Variants in ANKRD36 observed in about 807,000 individuals in gnomAD.
The protein encoded by ANKRD36 is ankyrin repeat domain 36, also known as ankyrin repeat domain-containing protein 36A.
ANKRD36 carries 179 observed loss-of-function variants against 278.1 expected under a neutral mutation model. The ratio of observed to expected loss-of-function variants is 0.64; its 90% CI spans 0.57 to 0.73. The LOEUF (loss-of-function observed/expected upper bound fraction) is 0.73. Among genes scored for constraint, ANKRD36 ranks in the 30% least tolerant of loss-of-function variants. The pLI is 0.00. For missense variants in ANKRD36, 1,159 were observed against 1,956.7 expected, an observed-to-expected ratio of 0.59 and a Z score of 7.69; for synonymous variants, 320 against 641.1, an observed-to-expected ratio of 0.50 and a Z score of 7.57.
At chr2:97,260,367 T>TACACAC (rs2076581596) in intron 75 of ANKRD36, among the ~76,000 whole-genome samples, 1 of 127,178 alleles carries the variant, frequency 7.9e-6, no homozygotes, top group Non-Finnish European at 1.6e-5. Context: ...TATATATATA[T>TACACAC]ATATATATAT....
intron 11 of ANKRD36, among the ~76,000 whole-genome samples, chr2:97,147,731 A>G (rs374409587): frequency 1.3e-5 from 2 of 151,876 alleles, no homozygotes; most frequent in African/African-American, 4.8e-5. Context: ...AATGAAAGTG[A>G]ATAAGAATGG....
In ANKRD36 at chr2:97,202,214, A is replaced by T. The variant is rs1432786986; in HGVS notation, c.2870A>T (p.Lys957Ile). The T allele has an allele frequency of 6.2e-7, 1 of 1,609,546 alleles. No individual in the cohort carries two copies. Among genetic ancestry groups the T allele is most frequent in the East Asian group, 2.2e-5 (1 of 44,698 alleles). Residue 957 changes from lysine to isoleucine, a missense_variant, in exon 47 of 76, where the codon AAA becomes ATA. Physicochemically the swap from Lys to Ile is moderately radical, Grantham distance 102 (BLOSUM62 -3). Coordinates refer to ENST00000420699, the MANE Select transcript of ANKRD36 (RefSeq NM_001354587.1). ...GEISRKVSSQ[K>I]PPALKGTSDE... ...TTTTGCTTTTCAGTGTCTTCTCAGA[A>T]ACCACCAGCCTTGAAGGTAATGAAA... is the stretch of plus-strand genomic sequence containing the variant.
chr2:97,148,015 G>A (rs1317268169), intron 11 of ANKRD36, among the ~76,000 whole-genome samples: 1 of 151,944 alleles, frequency 6.6e-6, no homozygotes, highest in Non-Finnish European at 1.5e-5. Flanking sequence ...TTGAGCCACT[G>A]GAAAGAGTCT....
chr2:97,179,831 A>G, intron 23 of ANKRD36, 30 bp from the exon 24 acceptor site: 1 of 1,601,860 alleles, frequency 6.2e-7, no homozygotes, highest in Non-Finnish European at 8.5e-7. Flanking sequence ...TACTTTACAT[A>G]TTGATTATTT....
chr2:97,218,100 GA>G (rs1404577285), intron 64 of ANKRD36, among the ~76,000 whole-genome samples: 1 of 151,616 alleles, frequency 6.6e-6, no homozygotes, highest in Non-Finnish European at 1.5e-5. Flanking sequence ...CAAATGAGTT[GA>G]AGTTTAATAT....
intron 67 of ANKRD36, among the ~76,000 whole-genome samples, chr2:97,233,323 T>C (rs1318829098): frequency 6.7e-6 from 1 of 149,810 alleles, no homozygotes; most frequent in Non-Finnish European, 1.5e-5. Context: ...GCTACTCTGG[T>C]TTTTCTCTTC....
At chr2:97,168,216 G>T (rs372964001) in intron 22 of ANKRD36, among the ~76,000 whole-genome samples, 10 of 152,416 alleles carry the variant, frequency 6.6e-5, no homozygotes, top group African/African-American at 2.4e-4. Flanking sequence ...CCAATCACAT[G>T]CTCTGATTAC....
In ANKRD36 at chr2:97,211,695, TC is replaced by T. The variant is rs1232394946; in HGVS notation, c.3425del (p.Pro1142ArgfsTer24). ...CTATCTGTGACAAGGAAGATTCTGT[TC>T]CGAATATGGCCACGGAAAAAAAGGA... ...KAICDKEDSV[P>X]NMATEKKDEQ... On this transcript the variant is annotated frameshift_variant, in exon 58 of 76. Coordinates refer to ENST00000420699, the MANE Select transcript of ANKRD36 (RefSeq NM_001354587.1). LOFTEE classifies it high-confidence loss of function. The T allele has an allele frequency of 1.9e-6, 3 of 1,595,128 alleles. No homozygotes were observed. In the Admixed American group the frequency reaches 5.3e-5, roughly 28 times the overall value.
At chr2:97,118,653 T>A in intron 3 of ANKRD36, 136 bp downstream of exon 3, 1 of 717,114 alleles carries the variant, frequency 1.4e-6, no homozygotes, top group Non-Finnish European at 2.1e-6. Context: ...GCCTTAACTG[T>A]CTAAGATTTT....
Position 97,211,588 on chromosome 2 carries a change from C to T in ANKRD36, c.3396+14C>T, listed in dbSNP as rs1456289924. 3 of 1,606,860 alleles carry T rather than the reference C, an allele frequency of 1.9e-6. No homozygotes were observed. Among genetic ancestry groups the T allele is most frequent in the African/African-American group, 1.3e-5 (1 of 74,590 alleles). On this transcript the variant is annotated intron_variant, in intron 57 of 75. Transcript: ENST00000420699. ...CCAGCATTGAAGGTAATTAAGCTCT[C>T]ATTTATATTTTGAACTATTAACTGT...
chr2:97,210,991 C>A (rs1175908279), intron 56 of ANKRD36, among the ~76,000 whole-genome samples: 1 of 151,876 alleles, frequency 6.6e-6, no homozygotes, highest in Non-Finnish European at 1.5e-5. Context: ...ATATTATCTA[C>A]TAGGTATCAG....
Position 97,225,227 on chromosome 2 carries a change from C to T in ANKRD36, c.3951+348C>T, listed in dbSNP as rs200778363. ...TGAACAATTTAACAGTGATGACCAC[C>T]GTACTGGATTCAGATTAAAGGAGTA... is the stretch of plus-strand genomic sequence containing the variant. On this transcript the variant is annotated intron_variant, in intron 67 of 75. Coordinates refer to ENST00000420699, the MANE Select transcript of ANKRD36 (RefSeq NM_001354587.1). Among the ~76,000 whole-genome samples the T allele has an allele frequency of 3.9e-3, 584 of 151,368 alleles. 39 individuals are homozygous for T. The East Asian group carries it at 0.064, about 16-fold the overall frequency.
intron 28 of ANKRD36, among the ~76,000 whole-genome samples, chr2:97,184,345 T>A (rs998783140): frequency 3.4e-4 from 51 of 151,368 alleles, no homozygotes; most frequent in Non-Finnish European, 5.3e-4. Flanking sequence ...AGACATATAT[T>A]TTTTTTTAGT....
chr2:97,196,241 G>T (rs376652039), intron 40 of ANKRD36, among the ~76,000 whole-genome samples: 466 of 152,034 alleles, frequency 3.1e-3, no homozygotes, highest in African/African-American at 0.01. Context: ...AGATCATGTA[G>T]CACCTGCTTT....
intron 50 of ANKRD36, 78 bp from the exon 51 acceptor site, chr2:97,205,862 A>G: frequency 1.4e-6 from 2 of 1,472,486 alleles, no homozygotes; most frequent in Non-Finnish European, 1.8e-6. Context: ...ACAGAGGTTG[A>G]TGCTAACTCT....
chr2:97,149,754 A>T (rs1269760471), intron 12 of ANKRD36, among the ~76,000 whole-genome samples: 1 of 151,824 alleles, frequency 6.6e-6, no homozygotes, highest in Non-Finnish European at 1.5e-5. Context: ...TCTTTAATAC[A>T]TCAGATGACT....
intron 66 of ANKRD36, among the ~76,000 whole-genome samples, chr2:97,220,016 T>C (rs1258078264): frequency 2.1e-5 from 3 of 140,282 alleles, no homozygotes; most frequent in Non-Finnish European, 3.0e-5. Flanking sequence ...GTTACACTTA[T>C]TATATTAAGC....
intron 28 of ANKRD36, 35 bp from the exon 29 acceptor site, chr2:97,185,281 C>T: frequency 1.3e-6 from 2 of 1,577,358 alleles, no homozygotes. Flanking sequence ...ATCATATTTA[C>T]ATATGAGTGA....
At chr2:97,260,372 AT>A (rs1212019861) in intron 75 of ANKRD36, among the ~76,000 whole-genome samples, 1 of 127,756 alleles carries the variant, frequency 7.8e-6, no homozygotes, top group Non-Finnish European at 1.5e-5. Flanking sequence ...ATATATATAT[AT>A]ATATATACAC....
Sources: allele counts gnomAD v4.1 joint callset (sites outside exome capture counted in the v4.1 genomes callset), GRCh38; gene constraint gnomAD v4.1.1; transcripts MANE v1.5; gene names NCBI Gene and HGNC (gene_info 2026-07-23, HGNC 2026-07-21).